LTBP1: variants seen among roughly 807,000 people sequenced by gnomAD.
The protein encoded by LTBP1 is latent transforming growth factor beta binding protein 1.
In LTBP1, 129 loss-of-function variants were observed where a neutral mutation model predicts 207.6. That is an observed-to-expected ratio of 0.62 (90% confidence interval 0.54 to 0.72). LTBP1 has a LOEUF of 0.72. Among genes scored for constraint, LTBP1 ranks in the 30% least tolerant of loss-of-function variants. The pLI is 0.00. For missense variants in LTBP1, 2,281 were observed against 2,217.2 expected, an observed-to-expected ratio of 1.03 and a Z score of -0.58; for synonymous variants, 963 against 833.7, an observed-to-expected ratio of 1.16 and a Z score of -2.67.
chr2:33,264,820 T>C (rs974329762), intron 15 of LTBP1, among the ~76,000 whole-genome samples: 2 of 152,130 alleles, frequency 1.3e-5, no homozygotes, highest in African/African-American at 2.4e-5. Context: ...TATCCAGATA[T>C]GTAGAAAGAG....
chr2:33,098,222 A>G (rs2079506439), intron 3 of LTBP1, among the ~76,000 whole-genome samples: 1 of 152,146 alleles, frequency 6.6e-6, no homozygotes, highest in Admixed American at 6.6e-5. Context: ...TGTTTCATAT[A>G]TCACAGTCAT....
chr2:33,341,659 C>G (rs1409115039), intron 24 of LTBP1, among the ~76,000 whole-genome samples: 1 of 142,360 alleles, frequency 7.0e-6, no homozygotes, highest in Non-Finnish European at 1.5e-5. Context: ...TGCAGTGAGC[C>G]GAGATTGCGC....
At chr2:32,974,047 T>C (rs1034289896) in intron 2 of LTBP1, among the ~76,000 whole-genome samples, 1 of 152,252 alleles carries the variant, frequency 6.6e-6, no homozygotes, top group Non-Finnish European at 1.5e-5. Context: ...TTGTAAATAG[T>C]GCTGCTTCAA....
intron 2 of LTBP1, among the ~76,000 whole-genome samples, chr2:33,018,997 A>T (rs1688782030): frequency 6.6e-6 from 1 of 152,200 alleles, no homozygotes; most frequent in African/African-American, 2.4e-5. Context: ...TTGTAGGAAG[A>T]TGGGAAAATT....
At chr2:33,276,033 C>T in intron 18 of LTBP1, 110 bp downstream of exon 18, 1 of 1,350,144 alleles carries the variant, frequency 7.4e-7, no homozygotes, top group Non-Finnish European at 9.8e-7. Context: ...ACCAGTTTAT[C>T]CAAGCTCTTT....
At chr2:33,240,769 G>A (rs2092288563) in intron 9 of LTBP1, among the ~76,000 whole-genome samples, 1 of 148,846 alleles carries the variant, frequency 6.7e-6, no homozygotes, top group Non-Finnish European at 1.5e-5. Context: ...TCCTGCCTCA[G>A]CCTCCTGAGT....
chr2:33,071,768 C>A (rs1379033910), intron 3 of LTBP1, among the ~76,000 whole-genome samples: 1 of 152,156 alleles, frequency 6.6e-6, no homozygotes, highest in Non-Finnish European at 1.5e-5. Context: ...CATCACGGGT[C>A]GTCTGGGGAT....
intron 32 of LTBP1, among the ~76,000 whole-genome samples, chr2:33,396,736 A>G (rs768961938): frequency 6.6e-6 from 1 of 152,188 alleles, no homozygotes; most frequent in Non-Finnish European, 1.5e-5. Flanking sequence ...TTCTTAGCAA[A>G]TGCTTACTAG....
At chr2:33,238,744 A>G (rs1336855775) in intron 9 of LTBP1, among the ~76,000 whole-genome samples, 3 of 152,190 alleles carry the variant, frequency 2.0e-5, no homozygotes, top group African/African-American at 7.2e-5. Flanking sequence ...ATCTCTGTAA[A>G]ATGGAATAAT....
chr2:33,133,482 C>T (rs917311587), intron 4 of LTBP1, among the ~76,000 whole-genome samples: 1 of 152,116 alleles, frequency 6.6e-6, no homozygotes, highest in African/African-American at 2.4e-5. Flanking sequence ...GCCTAGTCTC[C>T]TGGAAAGAGG....
chr2:33,125,010 G>A (rs1050337486), intron 4 of LTBP1, among the ~76,000 whole-genome samples: 4 of 152,216 alleles, frequency 2.6e-5, no homozygotes, highest in East Asian at 1.9e-4. Flanking sequence ...TTGTGAGAAT[G>A]AAGTGAGATG....
At chr2:33,042,473 G>A (rs2076237919) in intron 3 of LTBP1, among the ~76,000 whole-genome samples, 1 of 152,230 alleles carries the variant, frequency 6.6e-6, no homozygotes, top group South Asian at 2.1e-4. Flanking sequence ...AGCTCAGGAG[G>A]GACTTTGATC....
chr2:32,993,220 A>G (rs1174569752), intron 2 of LTBP1, among the ~76,000 whole-genome samples: 2 of 152,034 alleles, frequency 1.3e-5, no homozygotes, highest in African/African-American at 4.8e-5. Flanking sequence ...TAGAGCCTGC[A>G]CTTTGGCGTG....
chr2:33,189,757 G>A (rs912985808), intron 7 of LTBP1, among the ~76,000 whole-genome samples: 3 of 152,040 alleles, frequency 2.0e-5, no homozygotes, highest in Non-Finnish European at 4.4e-5. Flanking sequence ...CGGGTGCTGT[G>A]GCTCATGCCT....
intron 3 of LTBP1, among the ~76,000 whole-genome samples, chr2:33,046,260 T>C (rs2076436927): frequency 6.6e-6 from 1 of 152,210 alleles, no homozygotes; most frequent in East Asian, 1.9e-4. Flanking sequence ...TTGTCATAAA[T>C]AGCTCTTATT....
chr2:33,291,722 C>T (rs2093778193), intron 19 of LTBP1: 1 of 152,228 alleles, frequency 6.6e-6, no homozygotes, highest in Admixed American at 6.5e-5. Context: ...AGGGAACACA[C>T]CCGTGTGCAC....
chr2:33,198,263 G>A (rs1400352281), intron 7 of LTBP1, among the ~76,000 whole-genome samples: 1 of 152,146 alleles, frequency 6.6e-6, no homozygotes, highest in Non-Finnish European at 1.5e-5. Context: ...TGATCATGGT[G>A]GATAAGCTTT....
chr2:33,275,942 T>C lies in LTBP1; in HGVS notation c.2992+19T>C. The stretch of plus-strand genomic sequence containing the variant: ...TGTGAGGGTGAGTCAGCTGAGAGTG[T>C]TCAGCACACATGACGGTGATGTGCA... On this transcript the variant is annotated intron_variant, in intron 18 of 33. Coordinates refer to ENST00000404816, the MANE Select transcript of LTBP1 (RefSeq NM_206943.4). 6.4e-7 allele frequency: 1 copy of C among 1,561,042 alleles called. No individual in the cohort carries two copies. Among genetic ancestry groups the C allele is most frequent in the Non-Finnish European group, 8.7e-7 (1 of 1,154,606 alleles).
At chr2:33,284,877 A>G (rs1169039457) in intron 19 of LTBP1, among the ~76,000 whole-genome samples, 1 of 152,166 alleles carries the variant, frequency 6.6e-6, no homozygotes, top group South Asian at 2.1e-4. Context: ...GAAGTAAGCA[A>G]TATGAAGCAC....
Sources: gnomAD v4.1 joint callset for allele counts (sites outside exome capture counted in the v4.1 genomes callset) on GRCh38, gnomAD v4.1.1 for gene constraint, MANE v1.5 for transcripts, NCBI Gene and HGNC (gene_info 2026-07-23, HGNC 2026-07-21) for gene names.